Variants in RGL1 observed in about 807,000 individuals in gnomAD.
The protein encoded by RGL1 is ral guanine nucleotide dissociation stimulator like 1.
In RGL1, 24 loss-of-function variants were observed where a neutral mutation model predicts 95.2. That is an observed-to-expected ratio of 0.25 (90% CI 0.18 to 0.35). RGL1 has a LOEUF of 0.35. RGL1 is among the 10% of genes least tolerant of loss of function. RGL1 has a pLI of 1.00. For missense variants in RGL1, 715 were observed against 936.3 expected (o/e 0.76, Z 3.08); for synonymous variants, 329 against 344.9 (o/e 0.95, Z 0.51).
chr1:183,747,580 G>T (rs1383201557), intron 2 of RGL1, among the ~76,000 whole-genome samples: 2 of 152,120 alleles, frequency 1.3e-5, no homozygotes, highest in East Asian at 1.9e-4. Flanking sequence ...CTCCCACTTT[G>T]TAGGTTGCCT....
intron 2 of RGL1, among the ~76,000 whole-genome samples, chr1:183,830,578 A>G (rs1350648872): frequency 6.6e-6 from 1 of 152,222 alleles, no homozygotes; most frequent in African/African-American, 2.4e-5. Context: ...AGTGGCATCT[A>G]CATCAGATAG....
chr1:183,745,589 T>A (rs1447854738), intron 2 of RGL1, among the ~76,000 whole-genome samples: 2 of 152,188 alleles, frequency 1.3e-5, no homozygotes, highest in East Asian at 3.8e-4. Flanking sequence ...TTTATAATGC[T>A]ATTTTTCATG....
At chr1:183,918,274 C>T (rs564325129) in intron 16 of RGL1, among the ~76,000 whole-genome samples, 1 of 152,108 alleles carries the variant, frequency 6.6e-6, no homozygotes, top group Non-Finnish European at 1.5e-5. Context: ...ACAGGGGGGA[C>T]GTGGTCTCGC....
chr1:183,833,050 CAT>C (rs1297265349), intron 2 of RGL1, among the ~76,000 whole-genome samples: 2 of 152,234 alleles, frequency 1.3e-5, no homozygotes, highest in African/African-American at 4.8e-5. Context: ...AATTTCATAA[CAT>C]AAACACACAA....
chr1:183,852,159 G>A (rs2102551533), intron 3 of RGL1, among the ~76,000 whole-genome samples: 1 of 152,264 alleles, frequency 6.6e-6, no homozygotes, highest in African/African-American at 2.4e-5. Context: ...CTTATTTGAT[G>A]TCAAGCTTTG....
At chr1:183,832,804 A>G (rs1233490934) in intron 2 of RGL1, among the ~76,000 whole-genome samples, 2 of 152,226 alleles carry the variant, frequency 1.3e-5, no homozygotes, top group East Asian at 3.8e-4. Context: ...TATAAGATAT[A>G]TACAAAATGC....
Position 183,880,667 on chromosome 1 carries a change from C to T in RGL1, c.477C>T (p.Phe159=), listed in dbSNP as rs374690440. The T allele has an allele frequency of 5.0e-6, 8 of 1,613,910 alleles. No homozygotes were observed. The highest frequency in any genetic ancestry group is 6.8e-6 in the Non-Finnish European group (8 of 1,179,842). The change falls in exon 5 of 18, where the codon TTC becomes TTT. Residue 159 remains phenylalanine (F), a synonymous_variant. Transcript: ENST00000360851. Reference sequence around the variant, plus strand: ...GGCTTGACCAGTGTGCAGAAGACTTCCGAGAGCCCCCTCACTTCCCTTGCT... The same window carrying T: ...GGCTTGACCAGTGTGCAGAAGACTTTCGAGAGCCCCCTCACTTCCCTTGCT... ...RAWLDQCAED[F]REPPHFPCLQ... is the part of the protein sequence containing the mutation.
chr1:183,693,580 C>CA (rs1654084388), intron 1 of RGL1, among the ~76,000 whole-genome samples: 2 of 142,216 alleles, frequency 1.4e-5, no homozygotes, highest in Non-Finnish European at 3.1e-5. Context: ...TTCTAGATTA[C>CA]TTTTTTTTTT....
At chr1:183,697,367 T>G (rs1654314556) in intron 1 of RGL1, among the ~76,000 whole-genome samples, 1 of 152,222 alleles carries the variant, frequency 6.6e-6, no homozygotes, top group Admixed American at 6.5e-5. Flanking sequence ...TTACATGGTT[T>G]GCTTATTTAT....
chr1:183,808,438 T>C (rs1240640843), intron 2 of RGL1, among the ~76,000 whole-genome samples: 2 of 152,218 alleles, frequency 1.3e-5, no homozygotes, highest in Non-Finnish European at 2.9e-5. Context: ...TACTCCTTTA[T>C]TGCAAGTTCC....
At chr1:183,714,055 G>T (rs1430170982) in intron 1 of RGL1, among the ~76,000 whole-genome samples, 1 of 152,148 alleles carries the variant, frequency 6.6e-6, no homozygotes, top group East Asian at 1.9e-4. Context: ...GAGAAATATG[G>T]AGCTTGTTTC....
intron 1 of RGL1, chr1:183,647,651 T>C (rs1650384913): frequency 6.5e-7 from 1 of 1,549,382 alleles, no homozygotes; most frequent in African/African-American, 1.4e-5. Flanking sequence ...CCTTGGTAAT[T>C]GGTTTCATGC....
intron 2 of RGL1, among the ~76,000 whole-genome samples, chr1:183,819,753 A>G (rs1662327995): frequency 6.6e-6 from 1 of 150,554 alleles, no homozygotes; most frequent in Non-Finnish European, 1.5e-5. Context: ...AAGCAATGCC[A>G]TTCTTAAAAG....
At chr1:183,792,871 C>T (rs1660504250) in intron 2 of RGL1, among the ~76,000 whole-genome samples, 1 of 152,092 alleles carries the variant, frequency 6.6e-6, no homozygotes, top group African/African-American at 2.4e-5. Context: ...AATAATAATA[C>T]TACCCAAAGC....
intron 3 of RGL1, among the ~76,000 whole-genome samples, chr1:183,865,671 C>T (rs115648562): frequency 0.011 from 1,704 of 152,224 alleles, 10 homozygotes; most frequent in South Asian, 0.022. Flanking sequence ...AGGAATCTGC[C>T]TTCTTCGTAT....
intron 2 of RGL1, among the ~76,000 whole-genome samples, chr1:183,770,250 T>G (rs1659206019): frequency 6.6e-6 from 1 of 152,214 alleles, no homozygotes; most frequent in Non-Finnish European, 1.5e-5. Context: ...TCTGTCCAGA[T>G]GCAGATGACA....
intron 3 of RGL1, among the ~76,000 whole-genome samples, chr1:183,864,528 T>C (rs1406174821): frequency 6.6e-6 from 1 of 152,228 alleles, no homozygotes; most frequent in Admixed American, 6.5e-5. Flanking sequence ...TGGCCAAGTA[T>C]AGAGCTGAAA....
In RGL1 at chr1:183,715,473, G is replaced by A. The variant is rs1655556106; in HGVS notation, c.-32-26653G>A. ...ATAGTGTGCTAAGAGGACCATTGGAGACTGTAGAAGTTTGTTTCTTTTAGG... is the reference window on the plus strand; with the variant it reads ...ATAGTGTGCTAAGAGGACCATTGGAAACTGTAGAAGTTTGTTTCTTTTAGG... On this transcript the variant is annotated intron_variant, in intron 1 of 18. Coordinates refer to the RGL1 transcript ENST00000304685. Among the ~76,000 whole-genome samples the A allele has an allele frequency of 2.1e-5, 3 of 142,800 alleles. No homozygotes were observed. In the South Asian group the frequency reaches 7.1e-4, roughly 34 times the overall value. The allele number at this position is 142,800 out of a possible 152,430, so 93.7% of individuals were successfully genotyped here.
At chr1:183,824,546 C>A (rs1346615387) in intron 2 of RGL1, among the ~76,000 whole-genome samples, 1 of 152,194 alleles carries the variant, frequency 6.6e-6, no homozygotes, top group Non-Finnish European at 1.5e-5. Flanking sequence ...CTATCAGCAA[C>A]CACTGCCTTC....
Sources: allele counts gnomAD v4.1 joint callset (sites outside exome capture counted in the v4.1 genomes callset), GRCh38; gene constraint gnomAD v4.1.1; transcripts MANE v1.5; gene names NCBI Gene and HGNC (gene_info 2026-07-23, HGNC 2026-07-21).